ASPRV1: variants seen among roughly 807,000 people sequenced by gnomAD.
ASPRV1 encodes the protein aspartic peptidase retroviral like 1, also known as retroviral-like aspartic protease 1.
Under a neutral mutation model 11.0 loss-of-function variants are expected in ASPRV1, and 7 were observed. The observed-to-expected ratio is 0.64, with a 90% CI of 0.36 to 1.20. The LOEUF is 1.20. ASPRV1 is among the 50% of genes most tolerant of loss of function. The pLI is 0.02. For missense variants in ASPRV1, 299 were observed against 320.0 expected (o/e 0.93, Z 0.50); for synonymous variants, 136 against 138.4 (o/e 0.98, Z 0.12).
At chr2:70,065,133 G>A in the ASPRV1 span, among the ~76,000 whole-genome samples, 36 of 151,632 alleles carry the variant, frequency 2.4e-4, no homozygotes, top group East Asian at 7.7e-4. Context: ...GGCCAGGTGC[G>A]GTGGGTGGCT....
chr2:69,949,553 T>C, the ASPRV1 span, among the ~76,000 whole-genome samples: 6,085 of 152,286 alleles, frequency 0.04, 203 homozygotes, highest in Middle Eastern at 0.092. Flanking sequence ...ACAATTTGGT[T>C]GAGAACAAGC....
At chr2:69,937,079 A>G in the ASPRV1 span, 6 of 951,932 alleles carry the variant, frequency 6.3e-6, no homozygotes, top group Non-Finnish European at 1.0e-5. Flanking sequence ...GTCACTGGCC[A>G]GTCGACTTCC....
the ASPRV1 span, among the ~76,000 whole-genome samples, chr2:70,047,973 G>T: frequency 2.0e-5 from 3 of 151,940 alleles, no homozygotes; most frequent in Non-Finnish European, 4.4e-5. Flanking sequence ...GCTGGGCGTG[G>T]TGGCGTGTGC....
chr2:70,082,890 T>C, the ASPRV1 span, among the ~76,000 whole-genome samples: 1 of 151,932 alleles, frequency 6.6e-6, no homozygotes, highest in Admixed American at 6.6e-5. Context: ...CAAGACCTTC[T>C]CTCAAAAAAT....
the ASPRV1 span, among the ~76,000 whole-genome samples, chr2:70,010,764 T>C: frequency 6.6e-6 from 1 of 152,180 alleles, no homozygotes; most frequent in Admixed American, 6.6e-5. Flanking sequence ...GACTCAGCCC[T>C]CAGTCAAAAC....
chr2:70,062,854 T>C, the ASPRV1 span, among the ~76,000 whole-genome samples: 12 of 151,944 alleles, frequency 7.9e-5, no homozygotes, highest in South Asian at 2.1e-4. Context: ...AAGCAGAAAA[T>C]AGAAGGCAGG....
the ASPRV1 span, chr2:70,000,689 C>T: frequency 7.0e-6 from 1 of 142,102 alleles, no homozygotes; most frequent in Admixed American, 7.6e-5. Context: ...ACTTGGGAAG[C>T]TGAGGTGGGG....
chr2:69,934,453 G>A, the ASPRV1 span, among the ~76,000 whole-genome samples: 6 of 152,218 alleles, frequency 3.9e-5, no homozygotes, highest in African/African-American at 1.4e-4. Flanking sequence ...GCTTCATCCA[G>A]CCCTTCTCCC....
the ASPRV1 span, among the ~76,000 whole-genome samples, chr2:70,072,871 G>C: frequency 1.4e-5 from 2 of 145,284 alleles, no homozygotes; most frequent in Non-Finnish European, 3.0e-5. Flanking sequence ...GAACAATATA[G>C]TGAAACCTTG....
chr2:70,008,137 A>AT, the ASPRV1 span, among the ~76,000 whole-genome samples: 18 of 148,350 alleles, frequency 1.2e-4, no homozygotes, highest in South Asian at 8.5e-4. Context: ...TGCCCGGTCT[A>AT]TTTTTTTTTT....
the ASPRV1 span, among the ~76,000 whole-genome samples, chr2:70,012,864 A>ATT: frequency 2.6e-5 from 4 of 152,358 alleles, no homozygotes; most frequent in Admixed American, 2.6e-4. Flanking sequence ...AACTATGATT[A>ATT]TTCAGACTTG....
the ASPRV1 span, among the ~76,000 whole-genome samples, chr2:69,998,498 T>C: frequency 6.6e-6 from 1 of 151,958 alleles, no homozygotes; most frequent in African/African-American, 2.4e-5. Flanking sequence ...TCCCAGCACT[T>C]TGGGAGGCTG....
chr2:69,935,850 C>T, the ASPRV1 span, among the ~76,000 whole-genome samples: 2 of 152,214 alleles, frequency 1.3e-5, no homozygotes, highest in African/African-American at 4.8e-5. Context: ...GGGTCCCTCC[C>T]GTCTGCTTTC....
upstream of ASPRV1, chr2:69,961,741 T>C: frequency 6.6e-7 from 1 of 1,507,266 alleles, no homozygotes. Context: ...CCTGCCAGCA[T>C]CCGGCCGGAC....
the ASPRV1 span, among the ~76,000 whole-genome samples, chr2:70,068,781 A>AT: frequency 6.6e-6 from 1 of 150,390 alleles, no homozygotes; most frequent in African/African-American, 2.5e-5. Context: ...TAAAAAAAAA[A>AT]AAAAAATAAC....
chr2:69,996,479 A>C, the ASPRV1 span, among the ~76,000 whole-genome samples: 1 of 152,160 alleles, frequency 6.6e-6, no homozygotes, highest in Non-Finnish European at 1.5e-5. Flanking sequence ...CAATAGCCAC[A>C]TGTGGCCAGT....
At chr2:70,022,169 C>T in the ASPRV1 span, among the ~76,000 whole-genome samples, 8 of 151,646 alleles carry the variant, frequency 5.3e-5, no homozygotes, top group African/African-American at 1.9e-4. Flanking sequence ...TGCCCACCAC[C>T]ATGCCCGGCT....
At chr2:70,067,874 T>C in the ASPRV1 span, among the ~76,000 whole-genome samples, 1 of 152,282 alleles carries the variant, frequency 6.6e-6, no homozygotes, top group African/African-American at 2.4e-5. Flanking sequence ...TTTATTATAT[T>C]CTCTGTAAAT....
chr2:70,080,719 A>G, the ASPRV1 span, among the ~76,000 whole-genome samples: 1 of 152,212 alleles, frequency 6.6e-6, no homozygotes, highest in African/African-American at 2.4e-5. Flanking sequence ...GTCAAATCTC[A>G]ATAATATACA....
Sources: allele counts gnomAD v4.1 joint callset (sites outside exome capture counted in the v4.1 genomes callset), GRCh38; gene constraint gnomAD v4.1.1; transcripts MANE v1.5; gene names NCBI Gene and HGNC (gene_info 2026-07-23, HGNC 2026-07-21).